Variants in IHO1 observed in about 807,000 individuals in gnomAD.
IHO1 encodes the protein interactor of HORMAD1 protein 1.
IHO1 carries 13 observed loss-of-function variants against 31.0 expected under a neutral mutation model. The ratio of observed to expected loss-of-function variants is 0.42; its 90% CI spans 0.27 to 0.67. The LOEUF is 0.67. Ranked by LOEUF, IHO1 falls within the 30% of genes least tolerant of loss-of-function variation. The pLI is 0.24. For missense variants in IHO1, 599 were observed against 687.5 expected (o/e 0.87, Z 1.44); for synonymous variants, 221 against 248.4 (o/e 0.89, Z 1.04).
intron 6 of IHO1, among the ~76,000 whole-genome samples, chr3:49,251,155 C>A (rs1360839867): frequency 6.6e-6 from 1 of 151,854 alleles, no homozygotes; most frequent in African/African-American, 2.4e-5. Context: ...GAGTCTCTCT[C>A]TGTCACACAG....
Position 49,246,415 on chromosome 3 carries a change from C to T in IHO1, c.532+1682C>T, listed in dbSNP as rs948405654. Among the ~76,000 whole-genome samples, 11 of 152,032 alleles carry T rather than the reference C, an allele frequency of 7.2e-5. 1 individual carries two copies. The highest frequency in any genetic ancestry group is 3.4e-3 in the Middle Eastern group (1 of 292). On this transcript the variant is annotated intron_variant, in intron 6 of 7. Transcript: ENST00000452691. Reference sequence around the variant, plus strand: ...ATCCCAGCACTTTGGGAGGCTAAGGCGGGAGGATCACTTGAGGCCAGGAGT... The same window carrying T: ...ATCCCAGCACTTTGGGAGGCTAAGGTGGGAGGATCACTTGAGGCCAGGAGT...
chr3:49,224,722 G>A (rs1270204852), intron 2 of IHO1, among the ~76,000 whole-genome samples: 1 of 152,194 alleles, frequency 6.6e-6, no homozygotes, highest in Non-Finnish European at 1.5e-5. Flanking sequence ...TATAGGTTAA[G>A]GTCAGGATTA....
chr3:49,204,383 G>C (rs1301242458), intron 1 of IHO1, among the ~76,000 whole-genome samples: 10 of 152,068 alleles, frequency 6.6e-5, no homozygotes, highest in Non-Finnish European at 1.5e-4. Context: ...TGTGGATTTT[G>C]GTATATTGTT....
At chr3:49,205,584 T>G (rs2046125404) in intron 1 of IHO1, among the ~76,000 whole-genome samples, 1 of 151,556 alleles carries the variant, frequency 6.6e-6, no homozygotes, top group African/African-American at 2.4e-5. Flanking sequence ...TGAACCACTA[T>G]GCCTGGCCGT....
chr3:49,215,497 ATG>A (rs2046277306), intron 2 of IHO1, among the ~76,000 whole-genome samples: 1 of 152,214 alleles, frequency 6.6e-6, no homozygotes, highest in Admixed American at 6.5e-5. Context: ...CCCATATTAT[ATG>A]TTTGTAACCC....
intron 2 of IHO1, among the ~76,000 whole-genome samples, chr3:49,212,345 A>C (rs112948803): frequency 0.014 from 905 of 66,462 alleles, 13 homozygotes; most frequent in African/African-American, 0.036. Context: ...CCCCATCTCC[A>C]CTAAAAAAAA....
rs376808702 is a variant in IHO1, at chr3:49,205,596, AT to A, written c.-16+6039del. 4.7e-3 allele frequency among the ~76,000 whole-genome samples: 649 copies of A among 138,340 alleles called. 1 individual carries two copies. The highest frequency in any genetic ancestry group is 5.5e-3 in the Admixed American group (76 of 13,710). 90.8% of individuals were successfully genotyped at this position (138,340 alleles called of 152,430 possible). A position where few individuals can be genotyped will look rare whatever the true frequency, so the allele number is the denominator to read the frequency against. On this transcript the variant is annotated intron_variant, in intron 1 of 7. Transcript: ENST00000452691. ...GCGTGAACCACTATGCCTGGCCGTA[AT>A]TTTTTTTTTTTTTTTGAGACAGAGT...
chr3:49,203,381 A>T (rs2046095983), intron 1 of IHO1, among the ~76,000 whole-genome samples: 1 of 152,170 alleles, frequency 6.6e-6, no homozygotes, highest in Admixed American at 6.6e-5. Context: ...GAGATTACAG[A>T]TGCCCCTGTA....
intron 2 of IHO1, among the ~76,000 whole-genome samples, chr3:49,233,549 T>A (rs1369762925): frequency 6.6e-6 from 1 of 152,250 alleles, no homozygotes; most frequent in Non-Finnish European, 1.5e-5. Flanking sequence ...GGCCCTGTGA[T>A]TTCAATGATG....
At chr3:49,255,369 C>T in intron 6 of IHO1, 21 bp from the exon 7 acceptor site, 1 of 1,526,794 alleles carries the variant, frequency 6.5e-7, no homozygotes, top group Non-Finnish European at 8.9e-7. Flanking sequence ...AGGAGGTGAA[C>T]TGTCACTGTT....
At chr3:49,235,654 G>T (rs889737138) in intron 2 of IHO1, among the ~76,000 whole-genome samples, 1 of 152,004 alleles carries the variant, frequency 6.6e-6, no homozygotes, top group Non-Finnish European at 1.5e-5. Flanking sequence ...TTGGCTGGGT[G>T]CAATGGCTCA....
chr3:49,209,657 T>C (rs866029719), intron 1 of IHO1, among the ~76,000 whole-genome samples: 33 of 151,992 alleles, frequency 2.2e-4, no homozygotes, highest in Admixed American at 4.6e-4. Flanking sequence ...GGCTTGTATT[T>C]CTAATTCCAT....
Position 49,256,367 on chromosome 3 carries a change from C to T in IHO1, c.870C>T (p.Thr290=), listed in dbSNP as rs1302296974. The T allele has an allele frequency of 1.2e-6, 2 of 1,614,158 alleles. No individual in the cohort carries two copies. Among genetic ancestry groups the T allele is most frequent in the South Asian group, 2.2e-5 (2 of 91,078 alleles). ...SLNLTRQEKY[T]SEKPVLWQAQ... is the part of the protein sequence containing the mutation. ...ATCTCACCAGGCAGGAAAAATACAC[C>T]TCTGAGAAACCAGTTTTATGGCAGG... The change falls in exon 8 of 8, where the codon ACC becomes ACT. Residue 290 remains threonine, a synonymous_variant. Transcript: ENST00000452691. This position sits in a 1 kb window ranked among gnomAD's most constrained non-coding sequence, Gnocchi z 4.6.
At chr3:49,227,395 G>A (rs930948201) in intron 2 of IHO1, among the ~76,000 whole-genome samples, 1 of 152,058 alleles carries the variant, frequency 6.6e-6, no homozygotes, top group African/African-American at 2.4e-5. Flanking sequence ...AACCGCCCAT[G>A]GTTTTGGTTT....
chr3:49,211,006 G>GTT (rs59697636), intron 1 of IHO1, among the ~76,000 whole-genome samples: 47 of 116,704 alleles, frequency 4.0e-4, no homozygotes, highest in African/African-American at 6.5e-4. Context: ...TCTCCATTTA[G>GTT]TTTTTTTTTT....
At position 49,257,195 on chromosome 3, in the gene IHO1, A is replaced by G; in HGVS notation, c.1698A>G (p.Gly566=). The part of the protein sequence containing the change: ...QMSWFSDLNL[G]CSETPLCKEA... The stretch of plus-strand genomic sequence containing the variant: ...GCTGGTTCAGTGACCTCAATCTCGG[A>G]TGTTCAGAGACCCCTCTATGCAAGG... The change falls in exon 8 of 8, where the codon GGA becomes GGG. Residue 566 remains glycine, a synonymous_variant. Coordinates refer to ENST00000452691, the MANE Select transcript of IHO1 (RefSeq NM_001135197.2). 1 of 1,614,196 alleles carries G rather than the reference A, an allele frequency of 6.2e-7. No individual in the cohort carries two copies. The highest frequency in any genetic ancestry group is 8.5e-7 in the Non-Finnish European group (1 of 1,180,036).
chr3:49,195,407 G>GC (rs2045990948), upstream of IHO1, among the ~76,000 whole-genome samples: 1 of 144,858 alleles, frequency 6.9e-6, no homozygotes, highest in African/African-American at 2.6e-5. Flanking sequence ...GAGCGACAGA[G>GC]CAAGACTCCA....
At chr3:49,239,631 C>CTA (rs2046604257) in intron 3 of IHO1, among the ~76,000 whole-genome samples, 1 of 151,422 alleles carries the variant, frequency 6.6e-6, no homozygotes, top group Non-Finnish European at 1.5e-5. Flanking sequence ...GCCATGTTGC[C>CTA]CAGGCTGGTC....
upstream of IHO1, among the ~76,000 whole-genome samples, chr3:49,193,973 AAAG>A (rs1283577271): frequency 2.7e-4 from 40 of 150,196 alleles, no homozygotes; most frequent in Non-Finnish European, 3.5e-4. Flanking sequence ...AAAAAAAAAA[AAAG>A]AAGTTGAGTC....
Sources: allele counts gnomAD v4.1 joint callset (sites outside exome capture counted in the v4.1 genomes callset), GRCh38; gene constraint gnomAD v4.1.1; non-coding constraint Gnocchi (gnomAD v3.1); transcripts MANE v1.5; gene names NCBI Gene and HGNC (gene_info 2026-07-23, HGNC 2026-07-21).